NEBL: variants seen among roughly 807,000 people sequenced by gnomAD.
NEBL encodes LIM and SH3 protein 2.
In NEBL, 122 loss-of-function variants were observed where a neutral mutation model predicts 140.2. That is an observed-to-expected ratio of 0.87 (90% CI 0.75 to 1.01). NEBL has a LOEUF of 1.01. Ranked by LOEUF, NEBL falls within the 50% of genes least tolerant of loss-of-function variation. The probability of loss-of-function intolerance (pLI) is 0.00; values close to 1 mark genes in which losing one functional copy is unlikely to be tolerated. For synonymous variants in NEBL, 436 were observed against 398.9 expected, an observed-to-expected ratio of 1.09 and a Z score of -1.11; for missense variants, 1,365 against 1,231.3, an observed-to-expected ratio of 1.11 and a Z score of -1.62.
chr10:20,889,761 T>A (rs1846858143), intron 3 of NEBL, 84 bp downstream of exon 3: 2 of 849,934 alleles, frequency 2.4e-6, no homozygotes, highest in Non-Finnish European at 4.0e-6. Flanking sequence ...AATATTATTC[T>A]TCATCTCTTT....
intron 4 of NEBL, among the ~76,000 whole-genome samples, chr10:20,951,528 A>G (rs956088522): frequency 3.9e-5 from 6 of 152,180 alleles, no homozygotes; most frequent in African/African-American, 1.4e-4. Context: ...AATTTTCTCT[A>G]ATTGTATAAA....
chr10:21,191,366 G>T (rs955502759), intron 3 of NEBL, among the ~76,000 whole-genome samples: 12 of 152,178 alleles, frequency 7.9e-5, no homozygotes, highest in African/African-American at 2.9e-4. Flanking sequence ...ACTTGCCCAA[G>T]ATCACATAAC....
chr10:21,125,854 G>C (rs754077298), intron 2 of NEBL: 2 of 1,613,112 alleles, frequency 1.2e-6, no homozygotes, highest in South Asian at 2.2e-5. Flanking sequence ...CACCTTCTTA[G>C]ATACGTTGAA....
chr10:20,893,105 C>A (rs113599360), intron 2 of NEBL, among the ~76,000 whole-genome samples: 2,761 of 152,306 alleles, frequency 0.018, 45 homozygotes, highest in Middle Eastern at 0.058. Flanking sequence ...CAGCCTTGAA[C>A]TAAACACTGA....
rs189686686 is a variant in NEBL at position 20,911,039 on chromosome 10, T to C, written c.357+50633A>G. Among the ~76,000 whole-genome samples, 1,016 of 151,924 alleles carry C rather than the reference T, an allele frequency of 6.7e-3. 9 individuals carry two copies. Among genetic ancestry groups the C allele is most frequent in the African/African-American group, 0.023 (955 of 41,452 alleles). On this transcript the variant is annotated intron_variant, in intron 4 of 6. Coordinates refer to the NEBL transcript ENST00000417816. ...ACTAACTGGCTGTAGTGTTGTGAGC[T>C]TGTAGTTCCAGCTGCTCGGGAGGAT...
rs77686020 is a variant in NEBL at position 21,261,218 on chromosome 10, G to A, written n.183-9390C>T. Among the ~76,000 whole-genome samples the A allele has an allele frequency of 7.9e-5, 12 of 152,152 alleles. No individual in the cohort carries two copies. In the East Asian group the frequency reaches 2.1e-3, roughly 27 times the overall value. On this transcript the variant is annotated intron_variant and non_coding_transcript_variant, in intron 1 of 8. Coordinates refer to the NEBL transcript ENST00000675702. Reference sequence around the variant, plus strand: ...ACATCAAGGCAGTGGGAGCCACAAGGCTCCAGGCTGCTCTGCTAAATGTCA... The same window carrying A: ...ACATCAAGGCAGTGGGAGCCACAAGACTCCAGGCTGCTCTGCTAAATGTCA...
In NEBL at chr10:20,850,524, A is replaced by C. The variant is rs754342116; in HGVS notation, c.1009-22T>G. On this transcript the variant is annotated intron_variant, in intron 10 of 27. Coordinates refer to ENST00000377122, the MANE Select transcript of NEBL (RefSeq NM_006393.3). ...TCACCTTCATTGGAAAAAGAAAAGC[A>C]TATACAAATCGAAAGTCCTTATACA... 8.0e-6 allele frequency: 12 copies of C among 1,492,598 alleles called. No individual in the cohort carries two copies. In the African/African-American group the frequency reaches 1.7e-4, roughly 21 times the overall value. The allele number at this position is 1,492,598 out of a possible 1,614,324, so 92.5% of individuals were successfully genotyped here. A position where few individuals can be genotyped will look rare whatever the true frequency, so the allele number is the denominator to read the frequency against.
At chr10:20,805,480 G>C (rs1298434285) in intron 26 of NEBL, among the ~76,000 whole-genome samples, 2 of 151,920 alleles carry the variant, frequency 1.3e-5, no homozygotes, top group Non-Finnish European at 2.9e-5. Context: ...TTTAAAATAG[G>C]CAATGTCCCT....
chr10:21,131,700 G>T (rs1244075220), intron 2 of NEBL, among the ~76,000 whole-genome samples: 1 of 123,724 alleles, frequency 8.1e-6, no homozygotes, highest in African/African-American at 2.9e-5. Flanking sequence ...CTTCAAGATT[G>T]AAACAGAAGC....
chr10:21,068,479 G>C (rs988604425), intron 2 of NEBL, among the ~76,000 whole-genome samples: 10 of 152,192 alleles, frequency 6.6e-5, no homozygotes, highest in African/African-American at 1.7e-4. Flanking sequence ...TCAAACTATG[G>C]GGGGAGGAAC....
intron 1 of NEBL, among the ~76,000 whole-genome samples, chr10:21,274,048 T>A (rs1255068004): frequency 6.6e-6 from 1 of 152,190 alleles, no homozygotes; most frequent in Non-Finnish European, 1.5e-5. Flanking sequence ...GCTGAGGGGA[T>A]GTTACTTCCA....
intron 7 of NEBL, among the ~76,000 whole-genome samples, chr10:20,866,442 T>C (rs117880291): frequency 0.011 from 1,671 of 152,334 alleles, 11 homozygotes; most frequent in Non-Finnish European, 0.015. Context: ...ATTATTCCTA[T>C]TATGTTCTCT....
chr10:21,241,021 C>T (rs1842432134), intron 3 of NEBL, among the ~76,000 whole-genome samples: 1 of 151,894 alleles, frequency 6.6e-6, no homozygotes, highest in African/African-American at 2.4e-5. Flanking sequence ...GGGGCTTTCA[C>T]GATCATATTT....
At chr10:20,949,257 G>A (rs961855873) in intron 4 of NEBL, among the ~76,000 whole-genome samples, 6 of 152,026 alleles carry the variant, frequency 3.9e-5, no homozygotes, top group South Asian at 2.1e-4. Context: ...GAGAACACAC[G>A]GACACAGGGA....
At chr10:20,851,663 T>C (rs2131064676) in intron 10 of NEBL, among the ~76,000 whole-genome samples, 1 of 150,768 alleles carries the variant, frequency 6.6e-6, no homozygotes, top group African/African-American at 2.4e-5. Context: ...CATGCACCTG[T>C]AATCTCTGCT....
intron 3 of NEBL, among the ~76,000 whole-genome samples, chr10:21,234,811 G>A (rs900484155): frequency 6.6e-6 from 1 of 151,994 alleles, no homozygotes; most frequent in African/African-American, 2.4e-5. Flanking sequence ...GCAGCACTCT[G>A]CCCTGAAGTT....
At chr10:20,966,182 C>A (rs1413095670) in intron 3 of NEBL, among the ~76,000 whole-genome samples, 1 of 152,158 alleles carries the variant, frequency 6.6e-6, no homozygotes, top group African/African-American at 2.4e-5. Context: ...CTATATATGT[C>A]ATATGTGTTG....
intron 3 of NEBL, among the ~76,000 whole-genome samples, chr10:21,004,600 G>A (rs1461142434): frequency 1.3e-5 from 2 of 152,000 alleles, no homozygotes; most frequent in Non-Finnish European, 2.9e-5. Flanking sequence ...GGTGCCTGTA[G>A]TCCCAGCTAC....
At chr10:20,927,644 T>C (rs1054776373) in intron 4 of NEBL, among the ~76,000 whole-genome samples, 1 of 152,220 alleles carries the variant, frequency 6.6e-6, no homozygotes, top group Admixed American at 6.5e-5. Context: ...AAATATCCTT[T>C]GCCAGTGTAA....
Sources: allele counts gnomAD v4.1 joint callset (sites outside exome capture counted in the v4.1 genomes callset), GRCh38; gene constraint gnomAD v4.1.1; transcripts MANE v1.5; gene names NCBI Gene and HGNC (gene_info 2026-07-23, HGNC 2026-07-21).